Variants in MPP7 observed in about 807,000 individuals in gnomAD.
MPP7 encodes MAGUK p55 scaffold protein 7.
MPP7 carries 60 observed loss-of-function variants against 76.5 expected under a neutral mutation model. The ratio of observed to expected loss-of-function variants is 0.78; its 90% CI spans 0.64 to 0.97. The LOEUF (loss-of-function observed/expected upper bound fraction) is 0.97. Among genes scored for constraint, MPP7 ranks in the 50% least tolerant of loss-of-function variants. The pLI is 0.00. For synonymous variants in MPP7, 237 were observed against 244.5 expected (o/e 0.97, Z 0.29); for missense variants, 641 against 694.0 (o/e 0.92, Z 0.86).
At chr10:28,054,519 CATT>C (rs1032300846) in intron 16 of MPP7, among the ~76,000 whole-genome samples, 2 of 152,164 alleles carry the variant, frequency 1.3e-5, no homozygotes, top group African/African-American at 4.8e-5. Context: ...CACTAGTCAT[CATT>C]ATGGGGAAAT....
intron 1 of MPP7, among the ~76,000 whole-genome samples, chr10:28,288,668 A>G (rs1354010836): frequency 6.6e-6 from 1 of 152,228 alleles, no homozygotes; most frequent in Non-Finnish European, 1.5e-5. Flanking sequence ...AATTGTTAAG[A>G]GCGTGAAGCG....
chr10:28,104,817 G>T (rs1853993066), intron 11 of MPP7, among the ~76,000 whole-genome samples: 1 of 151,934 alleles, frequency 6.6e-6, no homozygotes, highest in Non-Finnish European at 1.5e-5. Context: ...AATCTTGGTG[G>T]TATCTCAAGG....
At chr10:28,146,600 TA>T (rs1443504404) in intron 5 of MPP7, among the ~76,000 whole-genome samples, 2 of 152,054 alleles carry the variant, frequency 1.3e-5, no homozygotes, top group Non-Finnish European at 2.9e-5. Context: ...TCTCTTTTTA[TA>T]AAAATAAATT....
chr10:28,327,900 A>C (rs897220554), intron 2 of MPP7, among the ~76,000 whole-genome samples: 2 of 152,204 alleles, frequency 1.3e-5, no homozygotes, highest in African/African-American at 4.8e-5. Context: ...AGAGGAAATA[A>C]ATGGCATTTG....
At chr10:28,105,749 C>T (rs1834302966) in intron 11 of MPP7, among the ~76,000 whole-genome samples, 1 of 152,162 alleles carries the variant, frequency 6.6e-6, no homozygotes, top group African/African-American at 2.4e-5. Flanking sequence ...CTCAGATGAT[C>T]CACTGGCCTT....
intron 2 of MPP7, among the ~76,000 whole-genome samples, chr10:28,227,530 T>C (rs1037359184): frequency 9.9e-5 from 15 of 151,868 alleles, no homozygotes; most frequent in East Asian, 3.9e-4. Flanking sequence ...TGTGATCTCA[T>C]TGTTCAGCTC....
At chr10:28,063,124 T>A (rs751655212) in intron 13 of MPP7, among the ~76,000 whole-genome samples, 3 of 151,884 alleles carry the variant, frequency 2.0e-5, no homozygotes, top group Admixed American at 6.6e-5. Context: ...TCCAACAGTA[T>A]GTAAAGAACT....
At chr10:28,297,909 A>T (rs1303969210) in intron 1 of MPP7, among the ~76,000 whole-genome samples, 1 of 152,230 alleles carries the variant, frequency 6.6e-6, no homozygotes, top group Non-Finnish European at 1.5e-5. Flanking sequence ...CTTCACCAAG[A>T]ATAGACTCTC....
At chr10:28,186,624 A>G (rs1412567151) in intron 3 of MPP7, among the ~76,000 whole-genome samples, 1 of 152,230 alleles carries the variant, frequency 6.6e-6, no homozygotes, top group Admixed American at 6.5e-5. Flanking sequence ...ACCACACTGC[A>G]CTGCCCAACA....
intron 1 of MPP7, among the ~76,000 whole-genome samples, chr10:28,301,622 G>A (rs1841157393): frequency 6.6e-6 from 1 of 152,176 alleles, no homozygotes; most frequent in Admixed American, 6.5e-5. Context: ...AATAAAGTAG[G>A]AGTAAAGTGG....
chr10:28,148,783 C>T (rs1461545214), intron 4 of MPP7, among the ~76,000 whole-genome samples: 1 of 152,194 alleles, frequency 6.6e-6, no homozygotes, highest in South Asian at 2.1e-4. Flanking sequence ...CAGTCTCTAA[C>T]TTTTTATAAA....
At chr10:28,228,052 C>G (rs1259554708) in intron 2 of MPP7, among the ~76,000 whole-genome samples, 1 of 152,072 alleles carries the variant, frequency 6.6e-6, no homozygotes, top group East Asian at 1.9e-4. Flanking sequence ...ATTTGCTCTG[C>G]AAAGAAACCG....
At chr10:28,128,338 CAAG>C (rs146956672) in intron 6 of MPP7, among the ~76,000 whole-genome samples, 17,519 of 152,050 alleles carry the variant, frequency 0.12, 1,430 homozygotes, top group East Asian at 0.31. Context: ...ATCCCAAATC[CAAG>C]AATATGAAAT....
At chr10:28,288,777 G>C (rs535864322) in intron 1 of MPP7, among the ~76,000 whole-genome samples, 1 of 152,184 alleles carries the variant, frequency 6.6e-6, no homozygotes, top group African/African-American at 2.4e-5. Flanking sequence ...CTTATTCTTT[G>C]AGTTCCTGTT....
At chr10:28,332,485 G>A (rs1201487695) in intron 1 of MPP7, among the ~76,000 whole-genome samples, 1 of 152,136 alleles carries the variant, frequency 6.6e-6, no homozygotes, top group Non-Finnish European at 1.5e-5. Flanking sequence ...TAGTGCAATG[G>A]CATGAATTAG....
chr10:28,192,304 G>C (rs1837437487), intron 3 of MPP7, among the ~76,000 whole-genome samples: 1 of 152,060 alleles, frequency 6.6e-6, no homozygotes, highest in Non-Finnish European at 1.5e-5. Flanking sequence ...GACAAAAAAA[G>C]ATATATACAG....
intron 1 of MPP7, among the ~76,000 whole-genome samples, chr10:28,295,035 C>T (rs1178506523): frequency 6.6e-6 from 1 of 152,104 alleles, no homozygotes; most frequent in Non-Finnish European, 1.5e-5. Context: ...AAATGCAAAT[C>T]GCCAGGACCT....
intron 3 of MPP7, among the ~76,000 whole-genome samples, chr10:28,170,202 T>C (rs1836633090): frequency 6.6e-6 from 1 of 152,152 alleles, no homozygotes; most frequent in Admixed American, 6.5e-5. Context: ...TTTATGTATA[T>C]GTTCTGTTTA....
intron 5 of MPP7, among the ~76,000 whole-genome samples, chr10:28,137,002 C>T (rs1197709912): frequency 3.3e-5 from 5 of 152,034 alleles, no homozygotes; most frequent in African/African-American, 1.2e-4. Flanking sequence ...GTTCAAGAAG[C>T]TCAATGTACC....
Sources: gnomAD v4.1 joint callset for allele counts (sites outside exome capture counted in the v4.1 genomes callset) on GRCh38, gnomAD v4.1.1 for gene constraint, MANE v1.5 for transcripts, NCBI Gene and HGNC (gene_info 2026-07-23, HGNC 2026-07-21) for gene names.